CLASP1: variants seen among roughly 807,000 people sequenced by gnomAD.
The protein encoded by CLASP1 is CLIP-associating protein 1.
Under a neutral mutation model 192.3 loss-of-function variants are expected in CLASP1, and 38 were observed. The observed-to-expected ratio is 0.20, with a 90% CI of 0.15 to 0.26. The LOEUF (loss-of-function observed/expected upper bound fraction) is 0.26. Ranked by LOEUF, CLASP1 falls within the 10% of genes least tolerant of loss-of-function variation. The probability of loss-of-function intolerance (pLI) is 1.00; values close to 1 mark genes in which losing one functional copy is unlikely to be tolerated. For missense variants in CLASP1, 1,433 were observed against 1,932.5 expected, an observed-to-expected ratio of 0.74 and a Z score of 4.85; for synonymous variants, 691 against 712.8, an observed-to-expected ratio of 0.97 and a Z score of 0.49.
At chr2:121,504,097 T>G (rs2093856473) in intron 7 of CLASP1, 1 of 152,032 alleles carries the variant, frequency 6.6e-6, no homozygotes, top group African/African-American at 2.4e-5. Context: ...CTGGGTGTGG[T>G]GGTGGGTGCC....
At chr2:121,392,011 A>C (rs751180019) in intron 30 of CLASP1, among the ~76,000 whole-genome samples, 5 of 152,330 alleles carry the variant, frequency 3.3e-5, no homozygotes, top group Middle Eastern at 3.4e-3. Context: ...CTGCCTTTAT[A>C]ATCATATTTT....
In CLASP1 at chr2:121,452,792, T is replaced by TAAAC. The variant is rs548025023; in HGVS notation, c.1386-947_1386-944dup. 4.2e-3 allele frequency among the ~76,000 whole-genome samples: 633 copies of TAAAC among 151,970 alleles called. 1 individual carries two copies. The highest frequency in any genetic ancestry group is 6.8e-3 in the Middle Eastern group (2 of 292). On this transcript the variant is annotated intron_variant, in intron 14 of 39. Transcript: ENST00000263710. ...GGCGACAGAGCGAGACTCTGTCAAATAAACAAACAAACAAACAAACAAATA... is the reference window on the plus strand; with the variant it reads ...GGCGACAGAGCGAGACTCTGTCAAATAAACAAACAAACAAACAAACAAACAAATA...
At chr2:121,555,630 T>C (rs983226062) in intron 2 of CLASP1, among the ~76,000 whole-genome samples, 8 of 152,318 alleles carry the variant, frequency 5.3e-5, no homozygotes, top group African/African-American at 1.9e-4. Context: ...TCTGTCCTAC[T>C]TGTATCCTTG....
intron 1 of CLASP1, among the ~76,000 whole-genome samples, chr2:121,644,862 G>C (rs894510930): frequency 2.0e-5 from 3 of 151,698 alleles, no homozygotes; most frequent in African/African-American, 7.3e-5. Context: ...AAAGGCTGAA[G>C]CAGGAGGATT....
chr2:121,431,123 G>A (rs966982559), intron 19 of CLASP1, among the ~76,000 whole-genome samples: 1 of 151,924 alleles, frequency 6.6e-6, no homozygotes. Context: ...CCCCACAAGC[G>A]ACAAAGCTTA....
At chr2:121,453,093 C>A in intron 14 of CLASP1, among the ~76,000 whole-genome samples, 1 of 152,108 alleles carries the variant, frequency 6.6e-6, no homozygotes. Flanking sequence ...TTGAGACCAG[C>A]CTAGGCAACA....
intron 2 of CLASP1, among the ~76,000 whole-genome samples, chr2:121,547,338 T>C (rs1025995300): frequency 6.6e-6 from 1 of 152,112 alleles, no homozygotes; most frequent in African/African-American, 2.4e-5. Flanking sequence ...CTAACTGCCT[T>C]ATCCACACCT....
rs375071997 is a variant in CLASP1 at position 121,344,105 on chromosome 2, A to G, written c.4530+2933T>C. Among the ~76,000 whole-genome samples, 25 of 152,064 alleles carry G rather than the reference A, an allele frequency of 1.6e-4. No homozygotes were observed. In the East Asian group the frequency reaches 4.7e-3, roughly 28 times the overall value. Reference sequence around the variant, plus strand: ...CAGTTACAATGGTAAATTTTATTATACCACAATAAAAAGACTGGAGGGGGG... The same window carrying G: ...CAGTTACAATGGTAAATTTTATTATGCCACAATAAAAAGACTGGAGGGGGG... On this transcript the variant is annotated intron_variant, in intron 39 of 39. Coordinates refer to ENST00000263710, the Ensembl canonical transcript of CLASP1.
chr2:121,595,100 CTT>C (rs2062974384), intron 2 of CLASP1, among the ~76,000 whole-genome samples: 3 of 152,168 alleles, frequency 2.0e-5, no homozygotes, highest in African/African-American at 4.8e-5. Flanking sequence ...TCCTTACACC[CTT>C]TTCTTTTATG....
In CLASP1 at chr2:121,442,273, A is replaced by AT. The variant is rs529107072; in HGVS notation, c.1912+5063dup. On this transcript the variant is annotated intron_variant, in intron 19 of 39. Coordinates refer to ENST00000263710, the Ensembl canonical transcript of CLASP1. ...TCAAAATCTCCAAAAATTACTGAAC[A>AT]TAACATACTGAAGATAATAACCTAG... 1.4e-4 allele frequency among the ~76,000 whole-genome samples: 22 copies of AT among 152,346 alleles called. No homozygotes were observed. In the East Asian group the frequency reaches 4.2e-3, roughly 29 times the overall value.
intron 8 of CLASP1, among the ~76,000 whole-genome samples, chr2:121,488,864 C>T (rs1322392468): frequency 6.6e-6 from 1 of 152,146 alleles, no homozygotes; most frequent in African/African-American, 2.4e-5. Flanking sequence ...GTAAAAGTTA[C>T]CAAAGCATGT....
At chr2:121,415,036 T>C (rs2078332145) in intron 23 of CLASP1, among the ~76,000 whole-genome samples, 1 of 152,166 alleles carries the variant, frequency 6.6e-6, no homozygotes, top group South Asian at 2.1e-4. Context: ...CGCCTTAGCC[T>C]TCCAAAGTGC....
At chr2:121,589,309 C>T (rs756262583) in intron 2 of CLASP1, among the ~76,000 whole-genome samples, 12 of 152,150 alleles carry the variant, frequency 7.9e-5, no homozygotes, top group Non-Finnish European at 1.3e-4. Flanking sequence ...TAAGATCACA[C>T]ACTTACCCCT....
chr2:121,341,882 T>C (rs1407239160), intron 39 of CLASP1, among the ~76,000 whole-genome samples: 2 of 152,190 alleles, frequency 1.3e-5, no homozygotes, highest in Non-Finnish European at 1.5e-5. Flanking sequence ...TAACATATGG[T>C]TTATCATAGG....
intron 1 of CLASP1, among the ~76,000 whole-genome samples, chr2:121,632,289 C>A: frequency 6.6e-6 from 1 of 151,992 alleles, no homozygotes; most frequent in East Asian, 1.9e-4. Context: ...TTCATCAAAA[C>A]CTCCAACGTG....
At chr2:121,476,056 G>T (rs1473351785) in intron 8 of CLASP1, among the ~76,000 whole-genome samples, 1 of 152,030 alleles carries the variant, frequency 6.6e-6, no homozygotes, top group African/African-American at 2.4e-5. Flanking sequence ...CCCACCCCTG[G>T]CAATCCAAAT....
chr2:121,494,738 G>C (rs912908010), intron 8 of CLASP1, among the ~76,000 whole-genome samples: 1 of 151,948 alleles, frequency 6.6e-6, no homozygotes, highest in Non-Finnish European at 1.5e-5. Context: ...TAAAAATATT[G>C]GGCCAACCAC....
At chr2:121,379,381 G>A (rs2071080124) in intron 33 of CLASP1, among the ~76,000 whole-genome samples, 1 of 152,134 alleles carries the variant, frequency 6.6e-6, no homozygotes, top group Non-Finnish European at 1.5e-5. Context: ...TGTTCACAAG[G>A]CTGTCTGTCA....
At chr2:121,397,713 T>C (rs1348759444) in intron 29 of CLASP1, among the ~76,000 whole-genome samples, 1 of 152,198 alleles carries the variant, frequency 6.6e-6, no homozygotes, top group African/African-American at 2.4e-5. Flanking sequence ...TGTCCTAACT[T>C]CACCATCAAC....
Sources: gnomAD v4.1 joint callset for allele counts (sites outside exome capture counted in the v4.1 genomes callset) on GRCh38, gnomAD v4.1.1 for gene constraint, MANE v1.5 for transcripts, NCBI Gene and HGNC (gene_info 2026-07-23, HGNC 2026-07-21) for gene names.